The following AKT3 variants were observed in gnomAD, a reference collection of about 807,000 sequenced individuals.
AKT3 encodes the protein AKT serine/threonine kinase 3, also known as RAC-gamma serine/threonine-protein kinase.
Under a neutral mutation model 65.3 loss-of-function variants are expected in AKT3, and 15 were observed. The observed-to-expected ratio is 0.23, with a 90% confidence interval of 0.15 to 0.35. The LOEUF is 0.35. Among genes scored for constraint, AKT3 ranks in the 10% least tolerant of loss-of-function variants. The pLI is 1.00. For missense variants in AKT3, 243 were observed against 576.5 expected (o/e 0.42, Z 5.92); for synonymous variants, 206 against 183.8 (o/e 1.12, Z -0.98).
chr1:243,745,299 C>CACTG (rs1310517186), intron 2 of AKT3, among the ~76,000 whole-genome samples: 1 of 152,068 alleles, frequency 6.6e-6, no homozygotes, highest in Non-Finnish European at 1.5e-5. Context: ...ATGATCATGC[C>CACTG]ACTGCACTCC....
At chr1:243,699,134 G>A (rs1297701654) in intron 2 of AKT3, among the ~76,000 whole-genome samples, 7 of 151,934 alleles carry the variant, frequency 4.6e-5, no homozygotes, top group African/African-American at 9.7e-5. Flanking sequence ...TACACTCCCT[G>A]CCACCAATCC....
intron 10 of AKT3, among the ~76,000 whole-genome samples, chr1:243,555,932 G>A (rs1673376692): frequency 6.6e-6 from 1 of 152,046 alleles, no homozygotes; most frequent in Non-Finnish European, 1.5e-5. Context: ...TACCCCTACA[G>A]TCCTTTGTAA....
chr1:243,619,241 A>G (rs1009256265), intron 6 of AKT3, among the ~76,000 whole-genome samples: 3 of 152,114 alleles, frequency 2.0e-5, no homozygotes, highest in Non-Finnish European at 4.4e-5. Context: ...TCGATACATA[A>G]TAGTTGTATA....
chr1:243,735,432 T>A (rs1237571477), intron 2 of AKT3, among the ~76,000 whole-genome samples: 1 of 152,234 alleles, frequency 6.6e-6, no homozygotes, highest in African/African-American at 2.4e-5. Context: ...CTGCACCACA[T>A]GACTATTTTT....
chr1:243,496,109 G>A (rs1282369758), downstream of AKT3, among the ~76,000 whole-genome samples: 1 of 152,222 alleles, frequency 6.6e-6, no homozygotes, highest in Non-Finnish European at 1.5e-5. Context: ...AGATCATTGT[G>A]GGCTTGAAAG....
chr1:243,588,099 A>C (rs904095232), intron 8 of AKT3, among the ~76,000 whole-genome samples: 1 of 152,210 alleles, frequency 6.6e-6, no homozygotes, highest in Non-Finnish European at 1.5e-5. Flanking sequence ...ACCTAATTCA[A>C]GGGTTTCACT....
chr1:243,711,026 T>A lies in AKT3; in HGVS notation c.47-15310A>T, dbSNP rs543290001. ...TGAAAAATAATTTTGTAGAACAAAATGTGAAATCAGCTGGCCAGGCACAGT... is the reference window on the plus strand; with the variant it reads ...TGAAAAATAATTTTGTAGAACAAAAAGTGAAATCAGCTGGCCAGGCACAGT... On this transcript the variant is annotated intron_variant, in intron 2 of 13. Transcript: ENST00000673466. Among the ~76,000 whole-genome samples the A allele has an allele frequency of 2.6e-5, 4 of 152,254 alleles. No individual in the cohort carries two copies. In the South Asian group the frequency reaches 8.3e-4, roughly 32 times the overall value.
intron 10 of AKT3, among the ~76,000 whole-genome samples, chr1:243,554,708 C>T (rs1186012057): frequency 6.6e-6 from 1 of 152,018 alleles, no homozygotes; most frequent in Non-Finnish European, 1.5e-5. Context: ...ATCTAAGTAA[C>T]CTTTAACTAC....
At chr1:243,514,777 GATT>G (rs1487524143) in intron 12 of AKT3, among the ~76,000 whole-genome samples, 1 of 152,152 alleles carries the variant, frequency 6.6e-6, no homozygotes, top group Admixed American at 6.5e-5. Flanking sequence ...TGTGAGCCAA[GATT>G]ATGCTATTGC....
chr1:243,837,491 A>G (rs1048464871), intron 2 of AKT3, among the ~76,000 whole-genome samples: 1 of 152,250 alleles, frequency 6.6e-6, no homozygotes, highest in African/African-American at 2.4e-5. Context: ...AGAAATTTAC[A>G]GATCAATACT....
chr1:243,662,065 G>A (rs1211721137), intron 4 of AKT3, among the ~76,000 whole-genome samples: 1 of 149,400 alleles, frequency 6.7e-6, no homozygotes, highest in African/African-American at 2.5e-5. Flanking sequence ...AACAGGTGCT[G>A]GAGAGGATGT....
rs181830852 is a variant in AKT3 at position 243,745,364 on chromosome 1, A to G, written c.47-49648T>C. On this transcript the variant is annotated intron_variant, in intron 2 of 13. Transcript: ENST00000673466. ...CAAAAATAAAATAAGAGTATTGGGC[A>G]TATCAATTTTTAAGAAAACGAGATA... 1.9e-3 allele frequency among the ~76,000 whole-genome samples: 295 copies of G among 152,320 alleles called. 3 individuals are homozygous for G. Among genetic ancestry groups the G allele is most frequent in the Non-Finnish European group, 2.1e-3 (146 of 68,026 alleles).
chr1:243,656,676 T>C (rs1244558554), intron 4 of AKT3, among the ~76,000 whole-genome samples: 1 of 152,188 alleles, frequency 6.6e-6, no homozygotes, highest in Non-Finnish European at 1.5e-5. Context: ...GAGCACAGTA[T>C]AGCATTAGTA....
intron 8 of AKT3, among the ~76,000 whole-genome samples, chr1:243,586,898 G>A (rs903658042): frequency 1.3e-5 from 2 of 151,510 alleles, no homozygotes; most frequent in African/African-American, 4.9e-5. Context: ...AAATAAAAAA[G>A]AAATGGAATA....
At chr1:243,787,261 T>C (rs915388948) in intron 2 of AKT3, among the ~76,000 whole-genome samples, 2 of 152,188 alleles carry the variant, frequency 1.3e-5, no homozygotes, top group African/African-American at 4.8e-5. Flanking sequence ...ATTGTAAAAA[T>C]TTTGATCTAG....
At chr1:243,611,865 C>T (rs997836890) in intron 8 of AKT3, among the ~76,000 whole-genome samples, 7 of 152,158 alleles carry the variant, frequency 4.6e-5, no homozygotes, top group African/African-American at 1.7e-4. Flanking sequence ...CAACTTCTTA[C>T]ATCAATTCCC....
intron 1 of AKT3, among the ~76,000 whole-genome samples, chr1:243,848,808 C>T (rs561160882): frequency 3.9e-5 from 6 of 152,352 alleles, no homozygotes; most frequent in East Asian, 3.9e-4. Context: ...GCATAGGTTT[C>T]ACTGTTGACT....
chr1:243,547,316 T>A (rs541557891), intron 11 of AKT3, among the ~76,000 whole-genome samples: 16 of 152,200 alleles, frequency 1.1e-4, no homozygotes, highest in Non-Finnish European at 1.9e-4. Context: ...TAAGGAGTAA[T>A]GACTTTTTAG....
At chr1:243,568,770 T>G (rs1674354970) in intron 9 of AKT3, among the ~76,000 whole-genome samples, 1 of 152,212 alleles carries the variant, frequency 6.6e-6, no homozygotes, top group Non-Finnish European at 1.5e-5. Context: ...CCAGGTTAAC[T>G]GGACAAGATG....
Sources: allele counts gnomAD v4.1 joint callset (sites outside exome capture counted in the v4.1 genomes callset), GRCh38; gene constraint gnomAD v4.1.1; transcripts MANE v1.5; gene names NCBI Gene and HGNC (gene_info 2026-07-23, HGNC 2026-07-21).